FGGY: variants seen among roughly 807,000 people sequenced by gnomAD.
The protein encoded by FGGY is FGGY carbohydrate kinase domain-containing protein.
Under a neutral mutation model 71.3 loss-of-function variants are expected in FGGY, and 72 were observed. That is an observed-to-expected ratio of 1.01 (90% confidence interval 0.84 to 1.23). The LOEUF is 1.23. FGGY is among the 50% of genes most tolerant of loss of function. The pLI is 0.00. For synonymous variants in FGGY, 251 were observed against 250.3 expected, an observed-to-expected ratio of 1.00 and a Z score of -0.02; for missense variants, 668 against 682.3, an observed-to-expected ratio of 0.98 and a Z score of 0.23.
chr1:59,536,254 A>G (rs1416667626), intron 7 of FGGY, among the ~76,000 whole-genome samples: 1 of 152,160 alleles, frequency 6.6e-6, no homozygotes, highest in Non-Finnish European at 1.5e-5. Flanking sequence ...TCCTCGACAC[A>G]TACACTTTCC....
intron 14 of FGGY, among the ~76,000 whole-genome samples, chr1:59,744,283 C>T (rs937224554): frequency 6.6e-5 from 10 of 152,210 alleles, no homozygotes; most frequent in Non-Finnish European, 1.5e-4. Context: ...TGCAGTGGCA[C>T]GATCTCGGCT....
chr1:59,715,837 T>C (rs899347791), intron 14 of FGGY, among the ~76,000 whole-genome samples: 2 of 152,162 alleles, frequency 1.3e-5, no homozygotes, highest in African/African-American at 4.8e-5. Context: ...GGCAAACTAC[T>C]CCCCACAGGC....
At chr1:59,561,093 G>A (rs554508721) in intron 8 of FGGY, among the ~76,000 whole-genome samples, 4 of 152,334 alleles carry the variant, frequency 2.6e-5, no homozygotes, top group African/African-American at 9.6e-5. Flanking sequence ...ATGGTCTTCT[G>A]TTACTAGCTG....
intron 11 of FGGY, among the ~76,000 whole-genome samples, chr1:59,654,338 A>G (rs2153945326): frequency 6.6e-6 from 1 of 152,248 alleles, no homozygotes; most frequent in East Asian, 1.9e-4. Context: ...TGCCTTGTCC[A>G]TCAGCTCCAC....
At chr1:59,465,771 T>C (rs1306409446) in intron 6 of FGGY, among the ~76,000 whole-genome samples, 1 of 152,022 alleles carries the variant, frequency 6.6e-6, no homozygotes, top group African/African-American at 2.4e-5. Flanking sequence ...ACAAAGAGAA[T>C]AAAATACCTA....
intron 13 of FGGY, among the ~76,000 whole-genome samples, chr1:59,667,861 G>A (rs954268340): frequency 6.6e-5 from 10 of 152,170 alleles, no homozygotes; most frequent in African/African-American, 2.4e-4. Context: ...AGAAAAGTAC[G>A]GGGTATCATG....
At chr1:59,699,829 T>C (rs2097695268) in intron 14 of FGGY, among the ~76,000 whole-genome samples, 1 of 152,236 alleles carries the variant, frequency 6.6e-6, no homozygotes, top group Non-Finnish European at 1.5e-5. Flanking sequence ...GTGATGACTG[T>C]ATGTGGTGCT....
chr1:59,657,975 T>G lies in FGGY; in HGVS notation c.1222-2244T>G, dbSNP rs1378755388. On this transcript the variant is annotated intron_variant, in intron 11 of 15. Coordinates refer to ENST00000303721, the MANE Select transcript of FGGY (RefSeq NM_018291.5). ...CTTTGTCCACCTGTACTTGTAGAAT[T>G]TAACAAAGAAGGATAGGACATAAGG... is the stretch of plus-strand genomic sequence containing the variant. Among the ~76,000 whole-genome samples, 5 of 152,272 alleles carry G rather than the reference T, an allele frequency of 3.3e-5. No homozygotes were observed. In the East Asian group the frequency reaches 9.7e-4, roughly 29 times the overall value.
At chr1:59,444,970 TCTATGGACACC>T (rs1327075598) in intron 5 of FGGY, among the ~76,000 whole-genome samples, 1 of 152,146 alleles carries the variant, frequency 6.6e-6, no homozygotes, top group Non-Finnish European at 1.5e-5. Context: ...TACCATAAGC[TCTATGGACACC>T]CTATAATATT....
chr1:59,591,275 C>G (rs2096430919), intron 8 of FGGY, among the ~76,000 whole-genome samples: 2 of 152,064 alleles, frequency 1.3e-5, no homozygotes, highest in Admixed American at 1.3e-4. Context: ...AACCACTGCT[C>G]AATGAAATAA....
At chr1:59,328,339 G>T (rs913321380) in intron 2 of FGGY, among the ~76,000 whole-genome samples, 1 of 152,146 alleles carries the variant, frequency 6.6e-6, no homozygotes, top group Non-Finnish European at 1.5e-5. Flanking sequence ...TATGGAAATG[G>T]CTTGTTTACT....
At chr1:59,379,580 C>T (rs2059132332) in intron 5 of FGGY, among the ~76,000 whole-genome samples, 1 of 152,122 alleles carries the variant, frequency 6.6e-6, no homozygotes, top group Non-Finnish European at 1.5e-5. Flanking sequence ...TAGGATATTA[C>T]TGTACACTTC....
At chr1:59,530,343 C>T (rs970563670) in intron 7 of FGGY, among the ~76,000 whole-genome samples, 4 of 152,134 alleles carry the variant, frequency 2.6e-5, no homozygotes, top group African/African-American at 9.7e-5. Context: ...ATTATTTTCT[C>T]CTAGCTTCAA....
chr1:59,648,843 G>A (rs1013161552), intron 11 of FGGY, among the ~76,000 whole-genome samples: 1 of 152,144 alleles, frequency 6.6e-6, no homozygotes, highest in Non-Finnish European at 1.5e-5. Flanking sequence ...GTCCTGAATG[G>A]TCATGCCTAG....
At chr1:59,670,691 C>T (rs764713227) in intron 13 of FGGY, among the ~76,000 whole-genome samples, 2 of 143,934 alleles carry the variant, frequency 1.4e-5, no homozygotes, top group Non-Finnish European at 3.0e-5. Flanking sequence ...AAGCCCCATG[C>T]CAAAAAGAAA....
At chr1:59,601,908 G>C (rs947221856) in intron 8 of FGGY, among the ~76,000 whole-genome samples, 1 of 152,154 alleles carries the variant, frequency 6.6e-6, no homozygotes, top group East Asian at 1.9e-4. Flanking sequence ...TTGGCCACAG[G>C]TTATGGAGCA....
chr1:59,688,143 C>T (rs12077233), intron 14 of FGGY, among the ~76,000 whole-genome samples: 6,577 of 152,282 alleles, frequency 0.043, 340 homozygotes, highest in African/African-American at 0.12. Context: ...GATTCAAGTA[C>T]AAGTCATAGC....
intron 14 of FGGY, among the ~76,000 whole-genome samples, chr1:59,750,375 G>A (rs1220727458): frequency 1.3e-5 from 2 of 151,736 alleles, no homozygotes; most frequent in Non-Finnish European, 2.9e-5. Context: ...ATGCAGTTCT[G>A]TTTTCTCATT....
chr1:59,513,579 A>G (rs996291986), intron 7 of FGGY, among the ~76,000 whole-genome samples: 2 of 152,218 alleles, frequency 1.3e-5, no homozygotes, highest in Non-Finnish European at 2.9e-5. Flanking sequence ...GCTTTTTTTC[A>G]GCACACTATT....
Sources: gnomAD v4.1 joint callset for allele counts (sites outside exome capture counted in the v4.1 genomes callset) on GRCh38, gnomAD v4.1.1 for gene constraint, MANE v1.5 for transcripts, NCBI Gene and HGNC (gene_info 2026-07-23, HGNC 2026-07-21) for gene names.